Variants in TMEM273 observed in about 807,000 individuals in gnomAD.
The protein encoded by TMEM273 is chromosome 10 open reading frame 128.
A neutral mutation model predicts 17.9 loss-of-function variants in TMEM273; 19 were observed. That is an observed-to-expected ratio of 1.06 (90% CI 0.74 to 1.55). TMEM273 has a LOEUF of 1.55. Ranked by LOEUF, TMEM273 falls within the 40% of genes most tolerant of loss-of-function variation. The probability of loss-of-function intolerance (pLI) is 0.00; values close to 1 mark genes in which losing one functional copy is unlikely to be tolerated. For missense variants in TMEM273, 194 were observed against 155.6 expected (o/e 1.25, Z -1.31); for synonymous variants, 66 against 62.0 (o/e 1.07, Z -0.31).
At position 49,182,505 on chromosome 10, in the gene TMEM273, C is replaced by T. The variant is rs1157180290; in HGVS notation, c.43+5789G>A. Among the ~76,000 whole-genome samples, 3 of 152,194 alleles carry T rather than the reference C, an allele frequency of 2.0e-5. No individual in the cohort carries two copies. The South Asian group carries it at 6.2e-4, about 31-fold the overall frequency. ...GTAATTAAAGTGATATTGTATCTCT[C>T]TTATTATCATGATTATAATAATACA... On this transcript the variant is annotated intron_variant, in intron 1 of 6. Transcript: ENST00000374153.
At chr10:49,181,802 T>A (rs956126107) in intron 1 of TMEM273, among the ~76,000 whole-genome samples, 1 of 150,910 alleles carries the variant, frequency 6.6e-6, no homozygotes, top group African/African-American at 2.4e-5. Context: ...TGAGACATGC[T>A]ATCAAAAGCA....
In TMEM273 at chr10:49,186,874, C is replaced by A. The variant is rs552353237; in HGVS notation, c.43+1420G>T. Among the ~76,000 whole-genome samples the A allele has an allele frequency of 4.6e-5, 7 of 152,308 alleles. No homozygotes were observed. The South Asian group carries it at 1.0e-3, about 23-fold the overall frequency. On this transcript the variant is annotated intron_variant, in intron 1 of 6. Transcript: ENST00000374153. ...TATTGCACAGAGTTGCTGTGGGAAC[C>A]AAATGAGCTCATGTAACATCTTCAG...
intron 5 of TMEM273, among the ~76,000 whole-genome samples, chr10:49,164,718 G>A (rs563522515): frequency 2.6e-5 from 4 of 152,238 alleles, no homozygotes; most frequent in South Asian, 2.1e-4. Context: ...GCATTCATGA[G>A]CTTCTCTTAG....
chr10:49,185,763 G>A (rs1027564518), intron 1 of TMEM273, among the ~76,000 whole-genome samples: 2 of 152,062 alleles, frequency 1.3e-5, no homozygotes, highest in Non-Finnish European at 2.9e-5. Flanking sequence ...CGGAACACCT[G>A]AGGTCAGGAG....
At chr10:49,177,735 T>G (rs1199485825) in intron 1 of TMEM273, among the ~76,000 whole-genome samples, 2 of 152,210 alleles carry the variant, frequency 1.3e-5, no homozygotes, top group African/African-American at 4.8e-5. Context: ...AGGGTCTCTT[T>G]TCTTTAGGAC....
chr10:49,165,339 G>A, intron 4 of TMEM273, 56 bp from the exon 5 acceptor site: 1 of 1,550,194 alleles, frequency 6.5e-7, no homozygotes, highest in Non-Finnish European at 8.7e-7. Context: ...CCCAAGGCAG[G>A]ACCGTCCCTG....
intron 6 of TMEM273, 24 bp downstream of exon 6, chr10:49,161,575 C>G (rs755575504): frequency 2.5e-6 from 4 of 1,614,184 alleles, no homozygotes; most frequent in Non-Finnish European, 3.4e-6. Flanking sequence ...CCTTTTAAGA[C>G]AAGTGATCAC....
At chr10:49,161,326 A>C (rs1352769309) in intron 6 of TMEM273, 1 of 540,742 alleles carries the variant, frequency 1.8e-6, no homozygotes, top group Non-Finnish European at 3.3e-6. Flanking sequence ...GAATGAAAAA[A>C]AGTTTACCTA....
chr10:49,165,766 C>CAAGG lies in TMEM273; in HGVS notation c.268_269insCCTT (p.Arg90ThrfsTer28). 6.2e-7 allele frequency: 1 copy of CAAGG among 1,614,158 alleles called. No individual in the cohort carries two copies. Among genetic ancestry groups the CAAGG allele is most frequent in the Admixed American group, 1.7e-5 (1 of 60,026 alleles). Reference sequence around the variant, plus strand: ...CTGACTGTGTGGGCAGTGACCTTACCTTGGGGCTCTCTTCTTTAGCGGGAT... The same window carrying CAAGG: ...CTGACTGTGTGGGCAGTGACCTTACCAAGGTTGGGGCTCTCTTCTTTAGCGGGAT... On this transcript the variant is annotated frameshift_variant and splice_region_variant, in exon 4 of 7. Coordinates refer to ENST00000374153, the MANE Select transcript of TMEM273 (RefSeq NM_001288740.3). LOFTEE classifies it high-confidence loss of function.
chr10:49,167,877 C>CT (rs757547465), intron 2 of TMEM273, 32 bp downstream of exon 2: 2 of 1,613,028 alleles, frequency 1.2e-6, no homozygotes, highest in Non-Finnish European at 1.7e-6. Flanking sequence ...GCCCCTGACC[C>CT]TGTGCACAGA....
intron 6 of TMEM273, among the ~76,000 whole-genome samples, chr10:49,157,971 G>A: frequency 6.6e-6 from 1 of 152,068 alleles, no homozygotes; most frequent in East Asian, 1.9e-4. Context: ...CATTCAACAA[G>A]GCAACCCCTA....
intron 1 of TMEM273, among the ~76,000 whole-genome samples, chr10:49,174,874 A>G (rs1392661242): frequency 6.6e-6 from 1 of 152,152 alleles, no homozygotes; most frequent in Non-Finnish European, 1.5e-5. Context: ...CTTCTGGAAG[A>G]CAGGCAGTGA....
Position 49,166,905 on chromosome 10 carries a change from AGTC to A in TMEM273, c.199_201del (p.Asp67del), listed in dbSNP as rs1169953607. On this transcript the variant is annotated inframe_deletion, in exon 3 of 7. Transcript: ENST00000374153. ...CCAGGCGTGCTTTTCAGGTCGGAAG[AGTC>A]GTCGTCAAATAAGTGCCTCCTGATC... 6.2e-7 allele frequency: 1 copy of A among 1,614,108 alleles called. No individual in the cohort carries two copies. The highest frequency in any genetic ancestry group is 8.5e-7 in the Non-Finnish European group (1 of 1,180,028).
chr10:49,177,897 T>C (rs567602347), intron 1 of TMEM273, among the ~76,000 whole-genome samples: 1 of 152,248 alleles, frequency 6.6e-6, no homozygotes, highest in Admixed American at 6.5e-5. Context: ...GCCACACACC[T>C]TGAGCTCAGG....
intron 3 of TMEM273, among the ~76,000 whole-genome samples, chr10:49,166,266 G>A (rs1846180340): frequency 6.6e-6 from 1 of 152,106 alleles, no homozygotes; most frequent in Non-Finnish European, 1.5e-5. Flanking sequence ...CTGCACTTTG[G>A]GTGCCAAGGA....
In TMEM273 at chr10:49,155,862, C is replaced by T. The variant is rs1280227588; in HGVS notation, c.*30G>A. 1.9e-6 allele frequency: 3 copies of T among 1,614,164 alleles called. No homozygotes were observed. Among genetic ancestry groups the T allele is most frequent in the Non-Finnish European group, 2.5e-6 (3 of 1,180,028 alleles). On this transcript the variant is annotated 3_prime_UTR_variant, in exon 7 of 7. Coordinates refer to ENST00000374153, the MANE Select transcript of TMEM273 (RefSeq NM_001288740.3). The stretch of plus-strand genomic sequence containing the variant: ...TGGGCTGTTTTCCACGGGGCTAGAA[C>T]CCCTCTTCACGTCACTGCTCACCTA...
chr10:49,182,301 C>G (rs1375971627), intron 1 of TMEM273, among the ~76,000 whole-genome samples: 1 of 152,178 alleles, frequency 6.6e-6, no homozygotes, highest in Non-Finnish European at 1.5e-5. Flanking sequence ...ACAAAGATCT[C>G]AGGGACTCAG....
intron 1 of TMEM273, among the ~76,000 whole-genome samples, chr10:49,186,110 G>GAAGAAGAAGAAGAAGAATAAGAAGAA (rs59346438): frequency 1.2e-5 from 1 of 83,388 alleles, no homozygotes; most frequent in Non-Finnish European, 2.7e-5. Context: ...AAGAAGAAGA[G>GAAGAAGAAGAAGAAGAATAAGAAGAA]GAAGAAGAAG....
At chr10:49,184,826 C>T (rs1847568915) in intron 1 of TMEM273, among the ~76,000 whole-genome samples, 4 of 152,216 alleles carry the variant, frequency 2.6e-5, no homozygotes, top group African/African-American at 4.8e-5. Context: ...AGCCATCAGG[C>T]TGCAAGTTAG....
Sources: gnomAD v4.1 joint callset for allele counts (sites outside exome capture counted in the v4.1 genomes callset) on GRCh38, gnomAD v4.1.1 for gene constraint, MANE v1.5 for transcripts, NCBI Gene and HGNC (gene_info 2026-07-23, HGNC 2026-07-21) for gene names.